The following GLDN variants were observed in gnomAD, a reference collection of about 807,000 sequenced individuals.
GLDN encodes the protein gliomedin.
GLDN carries 47 observed loss-of-function variants against 56.5 expected under a neutral mutation model. That is an observed-to-expected ratio of 0.83 (90% CI 0.66 to 1.06). The LOEUF (loss-of-function observed/expected upper bound fraction) is 1.06. GLDN is among the 50% of genes least tolerant of loss of function. The pLI is 0.00. For synonymous variants in GLDN, 332 were observed against 278.8 expected (o/e 1.19, Z -1.90); for missense variants, 782 against 714.3 (o/e 1.09, Z -1.08).
intron 1 of GLDN, among the ~76,000 whole-genome samples, chr15:51,359,484 C>T (rs1288349894): frequency 6.6e-6 from 1 of 152,116 alleles, no homozygotes; most frequent in Non-Finnish European, 1.5e-5. Flanking sequence ...GGCCAACAGG[C>T]GGTTCCCAGT....
At position 51,394,968 on chromosome 15, in the gene GLDN, CG is replaced by C. The variant is rs1566950012; in HGVS notation, c.676del (p.Val226CysfsTer78). On this transcript the variant is annotated frameshift_variant, in exon 5 of 10. Coordinates refer to ENST00000335449, the MANE Select transcript of GLDN (RefSeq NM_181789.4). LOFTEE classifies it high-confidence loss of function. ...GTGACAAAGGAGATGTGTCCAACGA[CG>C]TGCTCCTGGCAGGTAAGAGGGGTAC... ...KGDKGDVSND[V>X]LLAGAKGDQG... 2 of 1,600,992 alleles carry C rather than the reference CG, an allele frequency of 1.2e-6. No homozygotes were observed. Among genetic ancestry groups the C allele is most frequent in the Admixed American group, 3.5e-5 (2 of 57,174 alleles).
intron 6 of GLDN, among the ~76,000 whole-genome samples, chr15:51,398,797 G>C (rs1399322500): frequency 6.6e-6 from 1 of 152,176 alleles, no homozygotes; most frequent in Admixed American, 6.5e-5. Flanking sequence ...AGCTTCCCTT[G>C]AAGAATGAAC....
At position 51,406,328 on chromosome 15, in the gene GLDN, G is replaced by A. The variant is rs898135; in HGVS notation, c.*1574G>A. 0.27 allele frequency: 41,137 copies of A among 152,052 alleles called. 5,961 individuals are homozygous for A. Among genetic ancestry groups the A allele is most frequent in the East Asian group, 0.46 (2,391 of 5,158 alleles). The allele number at this position is 152,052 out of a possible 1,614,324, so 9.4% of individuals were successfully genotyped here. Reference sequence around the variant, plus strand: ...CTGCGGCCCCGGGAAGGGCCACTGCGAATAGAGAGGAAGCTGGAAAAGTTC... The same window carrying A: ...CTGCGGCCCCGGGAAGGGCCACTGCAAATAGAGAGGAAGCTGGAAAAGTTC... On this transcript the variant is annotated 3_prime_UTR_variant, in exon 10 of 10. Transcript: ENST00000335449.
Position 51,383,826 on chromosome 15 carries a change from G to T in GLDN, c.475G>T (p.Asp159Tyr). The change falls in exon 4 of 10, where the codon GAT becomes TAT. Residue 159 changes from aspartate to tyrosine, a missense_variant. Transcript: ENST00000335449. The stretch of plus-strand genomic sequence containing the variant: ...CGGGTTGCCAGGACACAACGGATTG[G>T]ATGGACAGCCTGGTCCTCAGGGCCC... ...AGGLPGHNGL[D>Y]GQPGPQGPKG... is the part of the protein sequence containing the mutation. 2 of 1,613,698 alleles carry T rather than the reference G, an allele frequency of 1.2e-6. No individual in the cohort carries two copies. Among genetic ancestry groups the T allele is most frequent in the Non-Finnish European group, 1.7e-6 (2 of 1,179,956 alleles).
intron 6 of GLDN, among the ~76,000 whole-genome samples, chr15:51,399,596 C>G (rs1452454738): frequency 6.6e-6 from 1 of 152,184 alleles, no homozygotes; most frequent in Non-Finnish European, 1.5e-5. Flanking sequence ...TTTCTCTAGG[C>G]TCTTAGACAG....
intron 1 of GLDN, among the ~76,000 whole-genome samples, chr15:51,373,700 C>T (rs1452743472): frequency 6.6e-6 from 1 of 152,148 alleles, no homozygotes. Flanking sequence ...AGCAGAGTGA[C>T]AGTGATGGGC....
intron 4 of GLDN, among the ~76,000 whole-genome samples, chr15:51,392,029 G>T (rs2038033141): frequency 6.6e-6 from 1 of 152,182 alleles, no homozygotes; most frequent in Non-Finnish European, 1.5e-5. Flanking sequence ...GACACTTTGA[G>T]GCTTTTCCAT....
At chr15:51,345,829 A>G (rs1282407029) in intron 1 of GLDN, among the ~76,000 whole-genome samples, 2 of 152,232 alleles carry the variant, frequency 1.3e-5, no homozygotes, top group African/African-American at 4.8e-5. Context: ...ATACGATTAT[A>G]TACCTGGAAA....
intron 1 of GLDN, among the ~76,000 whole-genome samples, chr15:51,360,803 A>G (rs1395216576): frequency 6.6e-6 from 1 of 152,192 alleles, no homozygotes; most frequent in East Asian, 1.9e-4. Context: ...GGGCCATTAT[A>G]TACTTATTGT....
At chr15:51,349,811 C>T (rs1005125039) in intron 1 of GLDN, among the ~76,000 whole-genome samples, 2 of 151,436 alleles carry the variant, frequency 1.3e-5, no homozygotes, top group Non-Finnish European at 2.9e-5. Context: ...GTGATTTTGG[C>T]TCACTGCAAC....
chr15:51,394,784 G>A, intron 4 of GLDN, 51 bp from the exon 5 acceptor site: 1 of 1,605,498 alleles, frequency 6.2e-7, no homozygotes, highest in South Asian at 1.1e-5. Flanking sequence ...AAAGTGGTGT[G>A]CCAGAACTTT....
intron 4 of GLDN, among the ~76,000 whole-genome samples, chr15:51,392,135 T>G (rs1477338294): frequency 6.6e-6 from 1 of 152,196 alleles, no homozygotes; most frequent in East Asian, 1.9e-4. Flanking sequence ...TGAATATTTA[T>G]TACTCCTCTG....
intron 1 of GLDN, among the ~76,000 whole-genome samples, chr15:51,345,821 A>T (rs2036967705): frequency 6.6e-6 from 1 of 152,234 alleles, no homozygotes; most frequent in Non-Finnish European, 1.5e-5. Flanking sequence ...TTCAGATCAT[A>T]CGATTATATA....
rs2038415167 is a variant in GLDN at position 51,407,725 on chromosome 15, G to A, written c.*2971G>A. ...TCTTAGGCATCTTAACAGTCACAAG[G>A]TGAAAAGTCAAATGAAACAGTACAA... is the stretch of plus-strand genomic sequence containing the variant. On this transcript the variant is annotated 3_prime_UTR_variant, in exon 10 of 10. Coordinates refer to ENST00000335449, the MANE Select transcript of GLDN (RefSeq NM_181789.4). The A allele has an allele frequency of 6.6e-6, 1 of 152,220 alleles. No individual in the cohort carries two copies. The highest frequency in any genetic ancestry group is 1.5e-5 in the Non-Finnish European group (1 of 68,050). The allele number at this position is 152,220 out of a possible 1,614,324, so 9.4% of individuals were successfully genotyped here.
In GLDN at chr15:51,401,819, G is replaced by A. The variant is rs1039929121; in HGVS notation, c.1178+76G>A. 7 of 1,341,272 alleles carry A rather than the reference G, an allele frequency of 5.2e-6. No individual in the cohort carries two copies. The Admixed American group carries it at 6.4e-5, about 12-fold the overall frequency. 83.1% of individuals were successfully genotyped at this position (1,341,272 alleles called of 1,614,324 possible). A position where few individuals can be genotyped will look rare whatever the true frequency, so the allele number is the denominator to read the frequency against. ...GTGGTGCTTTTGTGAGCAATTAGGG[G>A]TAGGGACTGTGTTTTCATCATCTTT... On this transcript the variant is annotated intron_variant, in intron 9 of 9. Coordinates refer to ENST00000335449, the MANE Select transcript of GLDN (RefSeq NM_181789.4).
chr15:51,374,690 T>A (rs971344790), intron 1 of GLDN, among the ~76,000 whole-genome samples: 3 of 152,096 alleles, frequency 2.0e-5, no homozygotes, highest in Non-Finnish European at 2.9e-5. Context: ...GTTTGTCATA[T>A]TATTCATCGT....
intron 1 of GLDN, among the ~76,000 whole-genome samples, chr15:51,357,890 T>C (rs1415989664): frequency 1.3e-5 from 2 of 152,146 alleles, no homozygotes; most frequent in Non-Finnish European, 2.9e-5. Context: ...CCCTTGCCCA[T>C]GGTGCCCCCA....
chr15:51,343,552 ATC>A (rs2036924475), intron 1 of GLDN, among the ~76,000 whole-genome samples: 1 of 152,334 alleles, frequency 6.6e-6, no homozygotes, highest in Admixed American at 6.5e-5. Flanking sequence ...GGAGACACTC[ATC>A]TCTGTGTCAA....
At chr15:51,396,028 T>G (rs1226310168) in intron 5 of GLDN, among the ~76,000 whole-genome samples, 1 of 152,092 alleles carries the variant, frequency 6.6e-6, no homozygotes, top group Non-Finnish European at 1.5e-5. Context: ...GGGCTCTGCC[T>G]CCATGATCCA....
Sources: gnomAD v4.1 joint callset for allele counts (sites outside exome capture counted in the v4.1 genomes callset) on GRCh38, gnomAD v4.1.1 for gene constraint, MANE v1.5 for transcripts, NCBI Gene and HGNC (gene_info 2026-07-23, HGNC 2026-07-21) for gene names.